The following ITPR3 variants were observed in gnomAD, a reference collection of about 807,000 sequenced individuals.
ITPR3 encodes the protein inositol 1,4,5-trisphosphate receptor type 3.
Under a neutral mutation model 293.2 loss-of-function variants are expected in ITPR3, and 173 were observed. That is an observed-to-expected ratio of 0.59 (90% CI 0.52 to 0.67). The LOEUF is 0.67. Ranked by LOEUF, ITPR3 falls within the 30% of genes least tolerant of loss-of-function variation. The pLI is 0.00. For missense variants in ITPR3, 2,796 were observed against 3,592.1 expected (o/e 0.78, Z 5.66); for synonymous variants, 1,295 against 1,444.4 (o/e 0.90, Z 2.35).
Position 33,688,699 on chromosome 6 carries a change from G to A in ITPR3, c.6612G>A (p.Trp2204Ter). 1 of 1,614,216 alleles carries A rather than the reference G, an allele frequency of 6.2e-7. No homozygotes were observed. Among genetic ancestry groups the A allele is most frequent in the Non-Finnish European group, 8.5e-7 (1 of 1,180,030 alleles). The change falls in exon 49 of 58, where the codon TGG (tryptophan) becomes TGA (stop). Residue 2204 changes from tryptophan (W) to a stop codon, truncating the protein, a stop_gained. Transcript: ENST00000605930. LOFTEE classifies it high-confidence loss of function. ...IYWFSRRMTLWGSISFNLAVF... is the reference protein window; with the variant it reads ...IYWFSRRMTL ...GGTTCTCCCGCCGCATGACCCTGTG[G>A]GGCAGCATCTCCTTCAACCTGGCCG...
chr6:33,623,321 GTTTTGTTTT>G lies in ITPR3; in HGVS notation c.89+1635_89+1643del, dbSNP rs1199046618. ...CATGATGATTTTCAAGTGCCTGTGAGTTTTGTTTTTTTTTTTTTTTTTTAAGACAAGGTC... is the reference window on the plus strand; with the variant it reads ...CATGATGATTTTCAAGTGCCTGTGAGTTTTTTTTTTTTTTAAGACAAGGTC... On this transcript the variant is annotated intron_variant, in intron 1 of 57. Coordinates refer to ENST00000605930, the MANE Select transcript of ITPR3 (RefSeq NM_002224.4). Among the ~76,000 whole-genome samples the G allele has an allele frequency of 9.2e-4, 109 of 118,286 alleles. 2 individuals carry two copies. Among genetic ancestry groups the G allele is most frequent in the Admixed American group, 2.5e-3 (27 of 10,968 alleles). The allele number at this position is 118,286 out of a possible 152,430, so 77.6% of individuals were successfully genotyped here.
At chr6:33,650,703 T>A (rs1424692514) in intron 2 of ITPR3, among the ~76,000 whole-genome samples, 1 of 152,186 alleles carries the variant, frequency 6.6e-6, no homozygotes, top group Non-Finnish European at 1.5e-5. Flanking sequence ...TTATTGAAGC[T>A]TTTTTTATTT....
At position 33,655,923 on chromosome 6, in the gene ITPR3, T is replaced by G. The variant is rs1486785681; in HGVS notation, c.282+36T>G. On this transcript the variant is annotated intron_variant, in intron 3 of 57. Transcript: ENST00000605930. The surrounding 1 kb of genome is among the most constrained non-coding windows in gnomAD (Gnocchi z 4.9). ...GTGTGCAGGCGTGCATCTGTGCACA[T>G]GTACCAGGAACCTGGGTACACAAGC... 22 of 1,612,144 alleles carry G rather than the reference T, an allele frequency of 1.4e-5. No individual in the cohort carries two copies. The highest frequency in any genetic ancestry group is 1.7e-5 in the Non-Finnish European group (20 of 1,178,758).
At chr6:33,668,282 T>C (rs1026595728) in intron 16 of ITPR3, among the ~76,000 whole-genome samples, 1 of 152,184 alleles carries the variant, frequency 6.6e-6, no homozygotes, top group African/African-American at 2.4e-5. Flanking sequence ...CCCTTGCGCT[T>C]CCTCACCCTG....
Position 33,692,443 on chromosome 6 carries a change from G to A in ITPR3, c.7459-285G>A, listed in dbSNP as rs1048622589. Among the ~76,000 whole-genome samples, 1 of 152,028 alleles carries A rather than the reference G, an allele frequency of 6.6e-6. No homozygotes were observed. The highest frequency in any genetic ancestry group is 2.4e-5 in the African/African-American group (1 of 41,382). On this transcript the variant is annotated intron_variant, in intron 54 of 57. Transcript: ENST00000605930. The surrounding 1 kb of genome is among the most constrained non-coding windows in gnomAD (Gnocchi z 4.2). The stretch of plus-strand genomic sequence containing the variant: ...TAGGGGCAGAGACACACCGAGACTC[G>A]TAGCCCTACCTCCCCGCCAGACTCC...
chr6:33,688,895 C>G, intron 49 of ITPR3, 114 bp downstream of exon 49: 1 of 1,374,632 alleles, frequency 7.3e-7, no homozygotes. Context: ...GCAGAGTGTG[C>G]AGAAGCACCC....
At chr6:33,673,787 G>A in intron 23 of ITPR3, 67 bp downstream of exon 23, 1 of 1,570,100 alleles carries the variant, frequency 6.4e-7, no homozygotes, top group South Asian at 1.1e-5. Flanking sequence ...GCAGTGGGGT[G>A]GAGCCAGCTC....
In ITPR3 at chr6:33,679,900, G is replaced by A; in HGVS notation, c.3991G>A (p.Asp1331Asn). ...IMTELTNAGD[D>N]VVVFYNDKAS... ...CCCGCAGCTGACCAATGCAGGTGAC[G>A]ATGTGGTCGTGTTCTACAATGATAA... The change falls in exon 31 of 58, where the codon GAT (aspartate) becomes AAT (asparagine). Residue 1331 changes from aspartate (D) to asparagine (N), a missense_variant. Asp to Asn is a conservative substitution (Grantham distance 23). Transcript: ENST00000605930. The surrounding 1 kb of genome is among the most constrained non-coding windows in gnomAD (Gnocchi z 4.2). The A allele has an allele frequency of 6.2e-7, 1 of 1,613,380 alleles. No homozygotes were observed. The highest frequency in any genetic ancestry group is 8.5e-7 in the Non-Finnish European group (1 of 1,179,698).
In ITPR3 at chr6:33,659,004, C is replaced by T. The variant is rs903971277; in HGVS notation, c.529-17C>T. ...GCCCTGCCCTTCCCACCTAACCTGTCCCACCTGTCTGCTCAGGTGGTCGTG... is the reference window on the plus strand; with the variant it reads ...GCCCTGCCCTTCCCACCTAACCTGTTCCACCTGTCTGCTCAGGTGGTCGTG... On this transcript the variant is annotated splice_polypyrimidine_tract_variant and intron_variant, in intron 5 of 57. Transcript: ENST00000605930. 1 of 1,612,390 alleles carries T rather than the reference C, an allele frequency of 6.2e-7. No homozygotes were observed. The highest frequency in any genetic ancestry group is 1.1e-5 in the South Asian group (1 of 91,050).
rs1440716094 is a variant in ITPR3 at position 33,633,934 on chromosome 6, T to C, written c.90-6550T>C. On this transcript the variant is annotated intron_variant, in intron 1 of 57. Coordinates refer to ENST00000605930, the MANE Select transcript of ITPR3 (RefSeq NM_002224.4). The surrounding 1 kb of genome is among the most constrained non-coding windows in gnomAD (Gnocchi z 5.2). ...CAGAACCGCTCCCACCACGCAGCGA[T>C]GGGGAGGTCGCGGCCTCGCCCGGTG... Among the ~76,000 whole-genome samples, 1 of 151,768 alleles carries C rather than the reference T, an allele frequency of 6.6e-6. No individual in the cohort carries two copies. The highest frequency in any genetic ancestry group is 1.9e-4 in the East Asian group (1 of 5,168).
chr6:33,686,572 C>A, intron 43 of ITPR3, 53 bp downstream of exon 43: 1 of 1,346,286 alleles, frequency 7.4e-7, no homozygotes, highest in Non-Finnish European at 1.1e-6. Context: ...GATGTGCATG[C>A]ATGTATGTGT....
In ITPR3 at chr6:33,670,382, C is replaced by A; in HGVS notation, c.2247C>A (p.Asp749Glu). The change falls in exon 19 of 58, where the codon GAC (aspartate) becomes GAA (glutamate). Residue 749 changes from aspartate to glutamate, a missense_variant. Coordinates refer to ENST00000605930, the MANE Select transcript of ITPR3 (RefSeq NM_002224.4). The surrounding 1 kb of genome is among the most constrained non-coding windows in gnomAD (Gnocchi z 6.7). ...MCLDRQYLAI[D>E]EISQQLGVDL... ...TGGACCGCCAGTACTTGGCCATCGA[C>A]GAGATCTCCCAGCAGCTGGGCGTGG... is the stretch of plus-strand genomic sequence containing the variant. The A allele has an allele frequency of 6.2e-7, 1 of 1,614,108 alleles. No individual in the cohort carries two copies. Among genetic ancestry groups the A allele is most frequent in the Non-Finnish European group, 8.5e-7 (1 of 1,180,036 alleles).
Position 33,640,524 on chromosome 6 carries a change from G to C in ITPR3, c.130G>C (p.Asp44His), listed in dbSNP as rs146942977. The C allele has an allele frequency of 1.7e-5, 27 of 1,613,630 alleles. No individual in the cohort carries two copies. The African/African-American group carries it at 3.5e-4, about 21-fold the overall frequency. ...DRCVVEPAAGDLDNPPKKFRD... is the reference protein window; with the variant it reads ...DRCVVEPAAGHLDNPPKKFRD... ...CTGTGTGGTGGAGCCCGCGGCCGGG[G>C]ACCTGGACAACCCCCCTAAGAAGTT... The change falls in exon 2 of 58, where the codon GAC (aspartate) becomes CAC (histidine). Residue 44 changes from aspartate (D) to histidine (H), a missense_variant. Coordinates refer to ENST00000605930, the MANE Select transcript of ITPR3 (RefSeq NM_002224.4).
chr6:33,653,566 C>T (rs1371975673), intron 2 of ITPR3, among the ~76,000 whole-genome samples: 1 of 149,758 alleles, frequency 6.7e-6, no homozygotes, highest in Non-Finnish European at 1.5e-5. Flanking sequence ...GAGTTGCATT[C>T]CTGGAAAATT....
chr6:33,684,944 G>A lies in ITPR3; in HGVS notation c.5307+1G>A, dbSNP rs777247839. The A allele has an allele frequency of 3.0e-5, 48 of 1,607,298 alleles. No homozygotes were observed. Among genetic ancestry groups the A allele is most frequent in the Non-Finnish European group, 3.9e-5 (46 of 1,175,776 alleles). On this transcript the variant is annotated splice_donor_variant, in intron 39 of 57. Transcript: ENST00000605930. LOFTEE classifies it high-confidence loss of function. This position sits in a 1 kb window ranked among gnomAD's most constrained non-coding sequence, Gnocchi z 4.2. ...GGATGGTGGCAACACAGAGATCCAG[G>A]TGTGGGGGGCCTGGGGCCTGGACAT...
At chr6:33,676,300 C>G (rs924686853) in intron 25 of ITPR3, among the ~76,000 whole-genome samples, 10 of 152,246 alleles carry the variant, frequency 6.6e-5, no homozygotes, top group African/African-American at 2.4e-4. Flanking sequence ...GCAGCCCTGA[C>G]AGTGAGGTTA....
chr6:33,650,859 T>C (rs1027967947), intron 2 of ITPR3, among the ~76,000 whole-genome samples: 2 of 152,198 alleles, frequency 1.3e-5, no homozygotes, highest in African/African-American at 4.8e-5. Context: ...GATGTCTGCG[T>C]CTGAAGTCTC....
At chr6:33,636,365 AG>A (rs1430138619) in intron 1 of ITPR3, among the ~76,000 whole-genome samples, 4 of 152,162 alleles carry the variant, frequency 2.6e-5, no homozygotes, top group Admixed American at 6.5e-5. Flanking sequence ...AAGGGAGTGA[AG>A]GGGGAACCCA....
chr6:33,692,998 C>A lies in ITPR3; in HGVS notation c.7624+105C>A. On this transcript the variant is annotated intron_variant, in intron 55 of 57. Transcript: ENST00000605930. The surrounding 1 kb of genome is among the most constrained non-coding windows in gnomAD (Gnocchi z 4.2). ...CCTTCCTGCCCTGGGGAACCCTGGC[C>A]CGGAGCTGATGACTTGATGCATTTG... The A allele has an allele frequency of 1.7e-6, 2 of 1,168,400 alleles. No homozygotes were observed. Among genetic ancestry groups the A allele is most frequent in the Admixed American group, 2.2e-5 (1 of 44,540 alleles). The allele number at this position is 1,168,400 out of a possible 1,614,324, so 72.4% of individuals were successfully genotyped here. A position where few individuals can be genotyped will look rare whatever the true frequency, so the allele number is the denominator to read the frequency against.
Sources: gnomAD v4.1 joint callset for allele counts (sites outside exome capture counted in the v4.1 genomes callset) on GRCh38, gnomAD v4.1.1 for gene constraint, Gnocchi (gnomAD v3.1) non-coding constraint, MANE v1.5 for transcripts, NCBI Gene and HGNC (gene_info 2026-07-23, HGNC 2026-07-21) for gene names.